Variants in MACROD2 observed in about 807,000 individuals in gnomAD.
The protein encoded by MACROD2 is mono-ADP ribosylhydrolase 2, also known as ADP-ribose glycohydrolase MACROD2.
MACROD2 carries 36 observed loss-of-function variants against 70.4 expected under a neutral mutation model. The ratio of observed to expected loss-of-function variants is 0.51; its 90% CI spans 0.39 to 0.68. The LOEUF (loss-of-function observed/expected upper bound fraction) is 0.68, where lower values mean the gene tolerates loss of function less well. Among genes scored for constraint, MACROD2 ranks in the 30% least tolerant of loss-of-function variants. The pLI is 0.00. For synonymous variants in MACROD2, 172 were observed against 178.8 expected, an observed-to-expected ratio of 0.96 and a Z score of 0.30; for missense variants, 496 against 538.4, an observed-to-expected ratio of 0.92 and a Z score of 0.78.
At chr20:14,190,414 CT>C (rs1178435338) in intron 3 of MACROD2, among the ~76,000 whole-genome samples, 5 of 151,732 alleles carry the variant, frequency 3.3e-5, no homozygotes, top group Admixed American at 1.3e-4. Context: ...CAGAAAATAG[CT>C]TTTGTAGGTA....
intron 3 of MACROD2, among the ~76,000 whole-genome samples, chr20:14,434,859 A>C (rs1282888373): frequency 6.6e-6 from 1 of 152,160 alleles, no homozygotes; most frequent in Non-Finnish European, 1.5e-5. Flanking sequence ...TATTAAGGTC[A>C]CCAATGAGTG....
At chr20:14,137,504 A>G (rs188095979) in intron 3 of MACROD2, among the ~76,000 whole-genome samples, 64 of 152,300 alleles carry the variant, frequency 4.2e-4, no homozygotes, top group African/African-American at 1.5e-3. Flanking sequence ...ATTGTTTGAC[A>G]AAGGCACCCT....
chr20:15,315,870 T>C (rs1001968294), intron 6 of MACROD2, among the ~76,000 whole-genome samples: 2 of 152,264 alleles, frequency 1.3e-5, no homozygotes, highest in East Asian at 1.9e-4. Context: ...AGTATAAATA[T>C]ATGGTTAATT....
chr20:15,266,176 T>G lies in MACROD2; in HGVS notation c.540+36115T>G, dbSNP rs994679191. 2.6e-5 allele frequency among the ~76,000 whole-genome samples: 4 copies of G among 152,234 alleles called. No individual in the cohort carries two copies. The East Asian group carries it at 7.7e-4, about 29-fold the overall frequency. ...AAATGTCTCTTAATAAACTTAAAGA[T>G]TCATAAGCCACAATTGCAAACTTTA... On this transcript the variant is annotated intron_variant, in intron 6 of 17. Coordinates refer to ENST00000684519, the MANE Select transcript of MACROD2 (RefSeq NM_001351661.2).
chr20:14,115,655 A>G (rs534807139), intron 3 of MACROD2, among the ~76,000 whole-genome samples: 38 of 152,282 alleles, frequency 2.5e-4, no homozygotes, highest in African/African-American at 8.7e-4. Context: ...CAGTGTGTTC[A>G]CCAATTAGAA....
chr20:15,122,680 G>T (rs1290692906), intron 5 of MACROD2, among the ~76,000 whole-genome samples: 7 of 152,076 alleles, frequency 4.6e-5, no homozygotes, highest in Non-Finnish European at 1.0e-4. Context: ...GTACCCAAAT[G>T]CATTCTATAC....
In MACROD2 at chr20:15,687,961, C is replaced by A. The variant is rs1041888929; in HGVS notation, c.646-174784C>A. On this transcript the variant is annotated intron_variant, in intron 8 of 17. Coordinates refer to ENST00000684519, the MANE Select transcript of MACROD2 (RefSeq NM_001351661.2). Reference sequence around the variant, plus strand: ...TCCTTTCTCTCAACTTACTGTCTCTCTGTGGAATTTCAAAAGTGAATGTAG... The same window carrying A: ...TCCTTTCTCTCAACTTACTGTCTCTATGTGGAATTTCAAAAGTGAATGTAG... Among the ~76,000 whole-genome samples, 16 of 152,152 alleles carry A rather than the reference C, an allele frequency of 1.1e-4. 1 individual carries two copies. The highest frequency in any genetic ancestry group is 1.0e-3 in the Admixed American group (16 of 15,276).
At chr20:15,992,511 T>C (rs1239028619) in intron 15 of MACROD2, among the ~76,000 whole-genome samples, 1 of 152,150 alleles carries the variant, frequency 6.6e-6, no homozygotes, top group Non-Finnish European at 1.5e-5. Context: ...CTCCGTGCAG[T>C]ACCACAAACT....
intron 3 of MACROD2, among the ~76,000 whole-genome samples, chr20:14,399,181 G>A (rs1388791146): frequency 6.6e-6 from 1 of 151,884 alleles, no homozygotes; most frequent in Non-Finnish European, 1.5e-5. Context: ...CACCACAACC[G>A]GCTAGGTTTT....
At chr20:15,998,672 C>A (rs909867080) in intron 15 of MACROD2, among the ~76,000 whole-genome samples, 6 of 150,254 alleles carry the variant, frequency 4.0e-5, no homozygotes, top group Admixed American at 3.3e-4. Context: ...TCATGCCATT[C>A]TCCTGCCTCA....
chr20:14,494,488 G>A (rs1255621475), intron 4 of MACROD2, among the ~76,000 whole-genome samples: 6 of 152,058 alleles, frequency 3.9e-5, no homozygotes, highest in Non-Finnish European at 8.8e-5. Context: ...AGTGCTCTTC[G>A]TATTATCACA....
chr20:15,385,588 T>C (rs1257511670), intron 6 of MACROD2, among the ~76,000 whole-genome samples: 1 of 152,174 alleles, frequency 6.6e-6, no homozygotes, highest in Non-Finnish European at 1.5e-5. Context: ...CTGAGACCTG[T>C]CTCAGTGTCC....
chr20:14,122,999 G>A (rs554731344), intron 3 of MACROD2, among the ~76,000 whole-genome samples: 2 of 152,246 alleles, frequency 1.3e-5, no homozygotes, highest in South Asian at 4.1e-4. Context: ...TTTTTGATGA[G>A]GTTGTTATCA....
At chr20:15,928,624 A>T (rs60190468) in intron 10 of MACROD2, among the ~76,000 whole-genome samples, 10,983 of 152,276 alleles carry the variant, frequency 0.072, 607 homozygotes, top group East Asian at 0.23. Flanking sequence ...CAGATAATAA[A>T]ACCTGCCTCA....
intron 8 of MACROD2, among the ~76,000 whole-genome samples, chr20:15,685,041 T>A (rs9917449): frequency 0.055 from 8,367 of 152,226 alleles, 286 homozygotes; most frequent in East Asian, 0.11. Flanking sequence ...AAATAAATCA[T>A]AATAAGTAAC....
intron 3 of MACROD2, among the ~76,000 whole-genome samples, chr20:14,386,808 G>A (rs1290698623): frequency 1.3e-5 from 2 of 152,152 alleles, no homozygotes; most frequent in Non-Finnish European, 1.5e-5. Context: ...CTTTGTAGCA[G>A]TGCAAGAACA....
chr20:15,127,630 TA>T (rs1271074062), intron 5 of MACROD2, among the ~76,000 whole-genome samples: 2 of 152,090 alleles, frequency 1.3e-5, no homozygotes, highest in African/African-American at 2.4e-5. Context: ...TATGGTCCTC[TA>T]AGTGAGGCTG....
chr20:15,997,659 T>G (rs2066650790), intron 15 of MACROD2, among the ~76,000 whole-genome samples: 1 of 152,194 alleles, frequency 6.6e-6, no homozygotes, highest in Non-Finnish European at 1.5e-5. Flanking sequence ...AATTCTTCCT[T>G]TCTGATTTGA....
At chr20:14,941,440 G>C (rs1600853473) in intron 5 of MACROD2, among the ~76,000 whole-genome samples, 1 of 152,152 alleles carries the variant, frequency 6.6e-6, no homozygotes, top group South Asian at 2.1e-4. Flanking sequence ...AAGGAAGTTG[G>C]TTGTCCTCCT....
Sources: gnomAD v4.1 joint callset for allele counts (sites outside exome capture counted in the v4.1 genomes callset) on GRCh38, gnomAD v4.1.1 for gene constraint, MANE v1.5 for transcripts, NCBI Gene and HGNC (gene_info 2026-07-23, HGNC 2026-07-21) for gene names.